MACF1: variants seen among roughly 807,000 people sequenced by gnomAD.
MACF1 encodes microtubule actin crosslinking factor 1, also known as microtubule-actin cross-linking factor 1.
MACF1 carries 193 observed loss-of-function variants against 854.8 expected under a neutral mutation model. The observed-to-expected ratio is 0.23, with a 90% CI of 0.20 to 0.25. The LOEUF (loss-of-function observed/expected upper bound fraction) is 0.25. MACF1 is among the 10% of genes least tolerant of loss of function. The pLI is 1.00. For synonymous variants in MACF1, 3,185 were observed against 3,226.7 expected, an observed-to-expected ratio of 0.99 and a Z score of 0.44; for missense variants, 7,722 against 8,929.1, an observed-to-expected ratio of 0.86 and a Z score of 5.45.
chr1:39,333,498 C>A lies in MACF1; in HGVS notation c.6910C>A (p.Gln2304Lys). The A allele has an allele frequency of 1.2e-6, 2 of 1,614,084 alleles. No homozygotes were observed. Among genetic ancestry groups the A allele is most frequent in the South Asian group, 2.2e-5 (2 of 91,044 alleles). The change falls in exon 37 of 101, where the codon CAA becomes AAA. Residue 2304 changes from glutamine (Q) to lysine (K), a missense_variant. Coordinates refer to ENST00000564288, the MANE Select transcript of MACF1 (RefSeq NM_001394062.1). ...DGGIFHEQTG[Q>K]KLLLNEAISR... ...TGGTATCTTTCATGAACAAACAGGT[C>A]AAAAGCTCTTACTAAATGAAGCAAT...
At chr1:39,155,458 G>C (rs1369694045) in intron 2 of MACF1, among the ~76,000 whole-genome samples, 4 of 152,170 alleles carry the variant, frequency 2.6e-5, no homozygotes, top group Admixed American at 2.0e-4. Context: ...CTCTTCTTTA[G>C]CTGATTGATC....
upstream of MACF1, chr1:39,204,429 C>T (rs1330036288): frequency 1.3e-5 from 2 of 152,876 alleles, no homozygotes; most frequent in African/African-American, 4.8e-5. Flanking sequence ...CCTTGCTTCT[C>T]CTCCCGGGTT....
intron 6 of MACF1, among the ~76,000 whole-genome samples, chr1:39,278,876 A>C (rs1314638870): frequency 6.6e-6 from 1 of 151,976 alleles, no homozygotes; most frequent in Admixed American, 6.6e-5. Context: ...GTAGATCTGG[A>C]GTTGATTAAT....
At chr1:39,323,061 C>A in intron 33 of MACF1, 53 bp downstream of exon 33, 1 of 1,534,138 alleles carries the variant, frequency 6.5e-7, no homozygotes, top group Non-Finnish European at 9.0e-7. Flanking sequence ...AACATCTTAG[C>A]CAGCACGGTG....
At chr1:39,241,552 T>G (rs1644923072) in intron 2 of MACF1, among the ~76,000 whole-genome samples, 1 of 147,634 alleles carries the variant, frequency 6.8e-6, no homozygotes, top group African/African-American at 2.5e-5. Flanking sequence ...ACCAACTACT[T>G]GGGAGGCTGA....
intron 1 of MACF1, among the ~76,000 whole-genome samples, chr1:39,227,047 G>C: frequency 6.6e-6 from 1 of 152,238 alleles, no homozygotes; most frequent in South Asian, 2.1e-4. Context: ...TGATACTGGC[G>C]TGTTGTGATT....
At chr1:39,440,845 A>G (rs1644100653) in intron 72 of MACF1, among the ~76,000 whole-genome samples, 158 bp from the exon 73 acceptor site, 2 of 152,198 alleles carry the variant, frequency 1.3e-5, no homozygotes, top group South Asian at 4.1e-4. Flanking sequence ...ATATATGAAA[A>G]ATAACCATGT....
At chr1:39,354,271 A>G (rs981116353) in intron 44 of MACF1, among the ~76,000 whole-genome samples, 2 of 152,026 alleles carry the variant, frequency 1.3e-5, no homozygotes, top group East Asian at 1.9e-4. Flanking sequence ...GGGCCCAGCT[A>G]TTTGTTAATT....
chr1:39,093,610 C>T (rs185679860), intron 2 of MACF1, among the ~76,000 whole-genome samples: 15 of 151,148 alleles, frequency 9.9e-5, no homozygotes, highest in Admixed American at 7.2e-4. Context: ...TTCAGCCTCC[C>T]GAGTAGCTGG....
intron 6 of MACF1, among the ~76,000 whole-genome samples, chr1:39,271,617 G>GAAC (rs1235519643): frequency 6.6e-6 from 1 of 152,154 alleles, no homozygotes; most frequent in Non-Finnish European, 1.5e-5. Context: ...GTAAAAGTTG[G>GAAC]AACAGATAGA....
At chr1:39,157,606 C>G (rs184626795) in intron 2 of MACF1, among the ~76,000 whole-genome samples, 50 of 152,306 alleles carry the variant, frequency 3.3e-4, no homozygotes, top group Admixed American at 1.8e-3. Context: ...GTAAGATGAG[C>G]AAGAATTTTT....
In MACF1 at chr1:39,324,720, C is replaced by G. The variant is rs1048348082; in HGVS notation, c.4464C>G (p.Ala1488=). ...TTAAAACATCACAGATCTTCTTGGC[C>G]AAGCATGGTCATAAGTGAGTATTAA... is the stretch of plus-strand genomic sequence containing the variant. ...EAIKTSQIFL[A]KHGHKLSEKE... Residue 1488 remains alanine, a synonymous_variant, in exon 35 of 101, where the codon GCC becomes GCG. Transcript: ENST00000564288. 4 of 1,613,012 alleles carry G rather than the reference C, an allele frequency of 2.5e-6. No individual in the cohort carries two copies. The highest frequency in any genetic ancestry group is 3.4e-6 in the Non-Finnish European group (4 of 1,179,234).
Position 39,332,084 on chromosome 1 carries a change from A to G in MACF1, c.5496A>G (p.Leu1832=), listed in dbSNP as rs7547016. Reference sequence around the variant, plus strand: ...TAGATGAAGCAGTGAGCAATGATCTAGTAGCTGCTAAGATCGCCCTTGTGA... The same window carrying G: ...TAGATGAAGCAGTGAGCAATGATCTGGTAGCTGCTAAGATCGCCCTTGTGA... The part of the protein sequence containing the change: ...LTIDEAVSND[L]VAAKIALVIL... The change falls in exon 37 of 101, where the codon CTA becomes CTG. Residue 1832 remains leucine (L), a synonymous_variant. Coordinates refer to ENST00000564288, the MANE Select transcript of MACF1 (RefSeq NM_001394062.1). The G allele has an allele frequency of 6.3e-3, 10,150 of 1,614,068 alleles. 477 individuals are homozygous for G. The African/African-American group carries it at 0.11, about 18-fold the overall frequency.
At chr1:39,485,509 A>AAT (rs754665445) in intron 100 of MACF1, 29 bp from the exon 101 acceptor site, 1 of 1,581,612 alleles carries the variant, frequency 6.3e-7, no homozygotes, top group Non-Finnish European at 8.6e-7. Flanking sequence ...CATCTCTATT[A>AAT]AGTCTGCTGT....
At chr1:39,471,244 A>G (rs1644771142) in intron 97 of MACF1, among the ~76,000 whole-genome samples, 2 of 152,218 alleles carry the variant, frequency 1.3e-5, no homozygotes, top group Non-Finnish European at 2.9e-5. Flanking sequence ...AAGGACTAGG[A>G]TGGATTATAA....
chr1:39,251,130 T>C (rs1475476896), intron 3 of MACF1, among the ~76,000 whole-genome samples: 6 of 152,214 alleles, frequency 3.9e-5, no homozygotes, highest in Non-Finnish European at 5.9e-5. Context: ...CCTTCTAGGA[T>C]TGGGGCTTGG....
At chr1:39,364,495 A>AT (rs1200355447) in intron 49 of MACF1, among the ~76,000 whole-genome samples, 5,789 of 142,518 alleles carry the variant, frequency 0.041, 133 homozygotes, top group Middle Eastern at 0.092. Context: ...TAAACGTGGA[A>AT]TTTTTTTTTT....
At chr1:39,262,995 A>G (rs1053067595) in intron 6 of MACF1, among the ~76,000 whole-genome samples, 1 of 114,856 alleles carries the variant, frequency 8.7e-6, no homozygotes, top group Admixed American at 1.2e-4. Flanking sequence ...CTCGTCTTGC[A>G]TCAGATTTGG....
chr1:39,413,066 C>T (rs1255083810), intron 58 of MACF1: 2 of 1,598,358 alleles, frequency 1.3e-6, no homozygotes, highest in Admixed American at 1.7e-5. Context: ...GAGACTGCTC[C>T]AGCTGTTGCA....
Sources: gnomAD v4.1 joint callset for allele counts (sites outside exome capture counted in the v4.1 genomes callset) on GRCh38, gnomAD v4.1.1 for gene constraint, MANE v1.5 for transcripts, NCBI Gene and HGNC (gene_info 2026-07-23, HGNC 2026-07-21) for gene names.